Variants in CORO2A observed in about 807,000 individuals in gnomAD.
The protein encoded by CORO2A is coronin 2A, also known as coronin-2A.
CORO2A carries 47 observed loss-of-function variants against 62.4 expected under a neutral mutation model. The ratio of observed to expected loss-of-function variants is 0.75; its 90% CI spans 0.60 to 0.96. The LOEUF is 0.96. CORO2A is among the 40% of genes least tolerant of loss of function. CORO2A has a pLI of 0.00. For missense variants in CORO2A, 610 were observed against 684.1 expected, an observed-to-expected ratio of 0.89 and a Z score of 1.21; for synonymous variants, 273 against 268.9, an observed-to-expected ratio of 1.02 and a Z score of -0.15.
intron 1 of CORO2A, among the ~76,000 whole-genome samples, chr9:98,184,437 T>C (rs1284264198): frequency 6.6e-6 from 1 of 152,194 alleles, no homozygotes; most frequent in Non-Finnish European, 1.5e-5. Flanking sequence ...TATGTCTGCA[T>C]GCTAGGGAAA....
In CORO2A at chr9:98,137,708, A is replaced by G. The variant is rs773219528; in HGVS notation, c.202-20T>C. 6.3e-7 allele frequency: 1 copy of G among 1,577,056 alleles called. No individual in the cohort carries two copies. Among genetic ancestry groups the G allele is most frequent in the Non-Finnish European group, 8.7e-7 (1 of 1,146,106 alleles). On this transcript the variant is annotated intron_variant, in intron 2 of 11. Transcript: ENST00000375077. ...CCCTGTCTGCAAGACAGTGCCCAGG[A>G]GGGTTGGGGAGGAGGTGGATTCCAC...
chr9:98,161,864 C>T (rs1237497501), intron 1 of CORO2A, among the ~76,000 whole-genome samples: 2 of 152,084 alleles, frequency 1.3e-5, no homozygotes, highest in African/African-American at 4.8e-5. Context: ...TGAGCTGTCT[C>T]CCTCCACAGC....
At chr9:98,175,219 G>A (rs532672861) in intron 1 of CORO2A, among the ~76,000 whole-genome samples, 2 of 152,262 alleles carry the variant, frequency 1.3e-5, no homozygotes, top group African/African-American at 2.4e-5. Context: ...TCTCTGCCAG[G>A]GCCCCAGCAG....
chr9:98,187,791 C>T (rs1447702573), intron 1 of CORO2A, among the ~76,000 whole-genome samples: 2 of 152,132 alleles, frequency 1.3e-5, no homozygotes, highest in Non-Finnish European at 2.9e-5. Flanking sequence ...ATATTCAGAC[C>T]ATAGCAATCT....
intron 1 of CORO2A, among the ~76,000 whole-genome samples, chr9:98,187,086 T>C (rs1828248356): frequency 6.6e-6 from 1 of 151,990 alleles, no homozygotes; most frequent in Admixed American, 6.6e-5. Context: ...GAGGCCATCC[T>C]GGCTAACACT....
intron 4 of CORO2A, among the ~76,000 whole-genome samples, chr9:98,133,541 G>A (rs1827440995): frequency 6.6e-6 from 1 of 152,200 alleles, no homozygotes; most frequent in African/African-American, 2.4e-5. Flanking sequence ...ACCTCCCACA[G>A]ATCAACAGGG....
chr9:98,134,226 G>A (rs1175241602), intron 4 of CORO2A, among the ~76,000 whole-genome samples: 1 of 152,196 alleles, frequency 6.6e-6, no homozygotes, highest in African/African-American at 2.4e-5. Context: ...TATAGTGCAG[G>A]TCAGAGACTG....
At chr9:98,169,760 A>C (rs77297972) in intron 1 of CORO2A, among the ~76,000 whole-genome samples, 3,440 of 152,334 alleles carry the variant, frequency 0.023, 108 homozygotes, top group African/African-American at 0.078. Context: ...TCATTTTCCC[A>C]GATAATCTGT....
intron 1 of CORO2A, among the ~76,000 whole-genome samples, chr9:98,174,599 G>A (rs1368312269): frequency 6.6e-6 from 1 of 152,078 alleles, no homozygotes; most frequent in African/African-American, 2.4e-5. Flanking sequence ...AGAGGTGATT[G>A]GATCATGGAG....
chr9:98,187,240 G>A (rs1315766564), intron 1 of CORO2A, among the ~76,000 whole-genome samples: 1 of 142,358 alleles, frequency 7.0e-6, no homozygotes, highest in Non-Finnish European at 1.5e-5. Flanking sequence ...CCGAGATCGT[G>A]CTGCTGCACT....
At chr9:98,133,332 G>C (rs1268450250) in intron 4 of CORO2A, 115 bp from the exon 5 acceptor site, 1 of 1,017,958 alleles carries the variant, frequency 9.8e-7, no homozygotes, top group Non-Finnish European at 1.4e-6. Context: ...TGGCGCAGCT[G>C]GCAGCCTGGC....
Position 98,174,590 on chromosome 9 carries a change from G to C in CORO2A, c.1-16930C>G, listed in dbSNP as rs116141217. Among the ~76,000 whole-genome samples the C allele has an allele frequency of 4.3e-3, 651 of 152,278 alleles. 5 individuals are homozygous for C. The highest frequency in any genetic ancestry group is 0.015 in the African/African-American group (606 of 41,554). On this transcript the variant is annotated intron_variant, in intron 1 of 11. Transcript: ENST00000375077. ...AAGTGTGGAGGGAGGGGCCTGGTGA[G>C]AGGTGATTGGATCATGGAGGCGGTT...
At chr9:98,191,964 G>A (rs568760013) in intron 1 of CORO2A, among the ~76,000 whole-genome samples, 5 of 152,352 alleles carry the variant, frequency 3.3e-5, no homozygotes, top group African/African-American at 1.2e-4. Flanking sequence ...GTGCCGCCAG[G>A]AGTCCAGCCA....
rs146179885 is a variant in CORO2A, at chr9:98,155,243, T to C, written c.201+2217A>G. Among the ~76,000 whole-genome samples the C allele has an allele frequency of 3.2e-3, 494 of 152,292 alleles. 2 individuals are homozygous for C. Among genetic ancestry groups the C allele is most frequent in the African/African-American group, 0.011 (460 of 41,556 alleles). ...GGATTTTTCGGTACATTTTATACAT[T>C]CAAGAAATGAGTCTTTTGTCATGTT... On this transcript the variant is annotated intron_variant, in intron 2 of 11. Coordinates refer to ENST00000375077, the MANE Select transcript of CORO2A (RefSeq NM_052820.4).
chr9:98,167,337 T>C (rs1457483517), intron 1 of CORO2A, among the ~76,000 whole-genome samples: 9 of 152,040 alleles, frequency 5.9e-5, no homozygotes, highest in Non-Finnish European at 1.3e-4. Flanking sequence ...GTTTAATGGA[T>C]ATAGAGTTTC....
At chr9:98,173,326 G>C (rs750440117) in intron 1 of CORO2A, among the ~76,000 whole-genome samples, 1 of 152,154 alleles carries the variant, frequency 6.6e-6, no homozygotes, top group Non-Finnish European at 1.5e-5. Context: ...CACAACTATC[G>C]CTCAGTTTAC....
intron 1 of CORO2A, among the ~76,000 whole-genome samples, chr9:98,173,142 A>AAAAC (rs754376905): frequency 2.6e-5 from 4 of 152,186 alleles, no homozygotes; most frequent in East Asian, 1.9e-4. Flanking sequence ...GTCTCTACAA[A>AAAAC]AAACAAACAA....
intron 2 of CORO2A, among the ~76,000 whole-genome samples, chr9:98,142,972 T>C (rs943092813): frequency 3.3e-5 from 5 of 152,308 alleles, no homozygotes; most frequent in Middle Eastern, 3.4e-3. Flanking sequence ...TGGTGGGCTA[T>C]TGACTGAGCT....
At chr9:98,146,737 A>T (rs1827648448) in intron 2 of CORO2A, among the ~76,000 whole-genome samples, 1 of 152,200 alleles carries the variant, frequency 6.6e-6, no homozygotes, top group African/African-American at 2.4e-5. Flanking sequence ...CTGGGCTCCC[A>T]TTCGGGTCCT....
Sources: allele counts gnomAD v4.1 joint callset (sites outside exome capture counted in the v4.1 genomes callset), GRCh38; gene constraint gnomAD v4.1.1; transcripts MANE v1.5; gene names NCBI Gene and HGNC (gene_info 2026-07-23, HGNC 2026-07-21).